The following SF3B3 variants were observed in gnomAD, a reference collection of about 807,000 sequenced individuals.
The protein encoded by SF3B3 is SAP 130.
Under a neutral mutation model 139.2 loss-of-function variants are expected in SF3B3, and 33 were observed. That is an observed-to-expected ratio of 0.24 (90% CI 0.18 to 0.32). SF3B3 has a LOEUF of 0.32. Among genes scored for constraint, SF3B3 ranks in the 10% least tolerant of loss-of-function variants. The pLI is 1.00. For missense variants in SF3B3, 818 were observed against 1,509.4 expected (o/e 0.54, Z 7.59); for synonymous variants, 596 against 563.6 (o/e 1.06, Z -0.81).
intron 8 of SF3B3, among the ~76,000 whole-genome samples, chr16:70,541,379 G>A (rs2050217873): frequency 6.6e-6 from 1 of 152,136 alleles, no homozygotes; most frequent in Non-Finnish European, 1.5e-5. Flanking sequence ...TTTGTGGGTT[G>A]TCATCTTTCT....
intron 3 of SF3B3, 81 bp downstream of exon 3, chr16:70,529,280 T>A: frequency 8.8e-7 from 1 of 1,136,728 alleles, no homozygotes; most frequent in Non-Finnish European, 1.3e-6. Context: ...CAGTGCCAAT[T>A]AATTACTTAT....
intron 20 of SF3B3, chr16:70,565,778 T>G (rs139350545): frequency 2.5e-6 from 1 of 393,362 alleles, no homozygotes; most frequent in African/African-American, 2.0e-5. Flanking sequence ...CTTACTGTTT[T>G]AATAAGCAGG....
intron 15 of SF3B3, 100 bp from the exon 16 acceptor site, chr16:70,560,369 T>A: frequency 8.1e-7 from 1 of 1,238,544 alleles, no homozygotes; most frequent in Admixed American, 2.5e-5. Flanking sequence ...TTTCTTTCTA[T>A]CTGCTCTAAT....
chr16:70,528,990 G>A lies in SF3B3; in HGVS notation c.188G>A (p.Arg63Gln), dbSNP rs2050094152. The A allele has an allele frequency of 1.9e-6, 3 of 1,613,948 alleles. No homozygotes were observed. The highest frequency in any genetic ancestry group is 2.2e-5 in the East Asian group (1 of 44,898). Residue 63 changes from arginine (R) to glutamine (Q), a missense_variant, in exon 3 of 26, where the codon CGG becomes CAG. Arg to Gln is a conservative substitution (Grantham distance 43). Coordinates refer to ENST00000302516, the MANE Select transcript of SF3B3 (RefSeq NM_012426.5). ...ACTGTGGAAGTATTCGGTGTTATCC[G>A]GTCACTCATGGCCTTTAGGCTGACA... ...LLTVEVFGVIRSLMAFRLTGG... is the reference protein window; with the variant it reads ...LLTVEVFGVIQSLMAFRLTGG...
intron 9 of SF3B3, among the ~76,000 whole-genome samples, chr16:70,543,174 G>A (rs965984575): frequency 1.3e-5 from 2 of 152,016 alleles, no homozygotes; most frequent in African/African-American, 4.8e-5. Flanking sequence ...TTGGGAGGCC[G>A]AGGTGGGCAG....
chr16:70,532,716 A>G (rs2050133193), intron 5 of SF3B3, 96 bp downstream of exon 5: 5 of 1,240,486 alleles, frequency 4.0e-6, no homozygotes, highest in Middle Eastern at 2.0e-4. Context: ...GAATTAATCC[A>G]TTTGTTGTGA....
rs1198029189 is a variant in SF3B3, at chr16:70,536,998, A to C, written c.826-1325A>C. 4.0e-5 allele frequency among the ~76,000 whole-genome samples: 6 copies of C among 150,046 alleles called. No homozygotes were observed. The Admixed American group carries it at 4.0e-4, about 10-fold the overall frequency. ...GCTAATTTTTATATTTTTAGTAGAG[A>C]TGGGGTCTCACCATATTGGCCAGGC... On this transcript the variant is annotated intron_variant, in intron 6 of 25. Coordinates refer to ENST00000302516, the MANE Select transcript of SF3B3 (RefSeq NM_012426.5).
chr16:70,537,125 G>A (rs1023962513), intron 6 of SF3B3, among the ~76,000 whole-genome samples: 12 of 152,192 alleles, frequency 7.9e-5, no homozygotes, highest in Middle Eastern at 3.4e-3. Flanking sequence ...TTCTCTTATA[G>A]TCTGTCCCAT....
chr16:70,553,920 A>G (rs1040878082), intron 11 of SF3B3, among the ~76,000 whole-genome samples: 1 of 152,192 alleles, frequency 6.6e-6, no homozygotes. Context: ...CATCATTCCC[A>G]TTGGGACTAG....
chr16:70,544,432 G>T lies in SF3B3; in HGVS notation c.1234-6G>T. The T allele has an allele frequency of 6.3e-7, 1 of 1,592,388 alleles. No homozygotes were observed. Among genetic ancestry groups the T allele is most frequent in the Non-Finnish European group, 8.6e-7 (1 of 1,161,320 alleles). ...CATTTTTTCCTCTAACTTTTTCTCT[G>T]TGCAGATAGCTGATCTGGCCAATGA... On this transcript the variant is annotated splice_region_variant and splice_polypyrimidine_tract_variant and intron_variant, in intron 9 of 25. Coordinates refer to ENST00000302516, the MANE Select transcript of SF3B3 (RefSeq NM_012426.5).
intron 20 of SF3B3, among the ~76,000 whole-genome samples, chr16:70,567,007 G>T (rs142895543): frequency 0.022 from 3,319 of 151,252 alleles, 53 homozygotes; most frequent in Non-Finnish European, 0.035. Flanking sequence ...CCATGATTGC[G>T]CCTGCCACAG....
chr16:70,568,578 C>G, intron 22 of SF3B3, 83 bp downstream of exon 22: 1 of 1,062,164 alleles, frequency 9.4e-7, no homozygotes. Context: ...AAGGAGGAAT[C>G]AAATCTGAGA....
intron 23 of SF3B3, among the ~76,000 whole-genome samples, chr16:70,569,587 A>G (rs578212765): frequency 6.6e-6 from 1 of 152,348 alleles, no homozygotes; most frequent in Admixed American, 6.5e-5. Flanking sequence ...GCTTTAAGTA[A>G]ATGTGAGAAT....
At chr16:70,567,951 C>G (rs1263457091) in intron 21 of SF3B3, among the ~76,000 whole-genome samples, 6 of 152,116 alleles carry the variant, frequency 3.9e-5, no homozygotes, top group Admixed American at 3.9e-4. Flanking sequence ...CTCCCAAAGT[C>G]CTGGGTTTAC....
At chr16:70,548,307 A>G in intron 10 of SF3B3, 63 bp from the exon 11 acceptor site, 1 of 1,338,110 alleles carries the variant, frequency 7.5e-7, no homozygotes, top group Non-Finnish European at 1.1e-6. Context: ...TTTTGATGTG[A>G]TTGTAAGCAG....
rs1422494098 is a variant in SF3B3 at position 70,569,994 on chromosome 16, T to C, written c.3265-12T>C. 3 of 1,613,842 alleles carry C rather than the reference T, an allele frequency of 1.9e-6. No individual in the cohort carries two copies. Among genetic ancestry groups the C allele is most frequent in the Non-Finnish European group, 2.5e-6 (3 of 1,179,802 alleles). On this transcript the variant is annotated splice_polypyrimidine_tract_variant and intron_variant, in intron 23 of 25. Coordinates refer to ENST00000302516, the MANE Select transcript of SF3B3 (RefSeq NM_012426.5). ...GGGTGCACACAGTCACTAGTCTGTT[T>C]GTGACTCACAGGCAGAGGTGATCAT...
chr16:70,541,789 G>A lies in SF3B3; in HGVS notation c.1188G>A (p.Val396=). 3 of 1,614,116 alleles carry A rather than the reference G, an allele frequency of 1.9e-6. No individual in the cohort carries two copies. Among genetic ancestry groups the A allele is most frequent in the Non-Finnish European group, 2.5e-6 (3 of 1,179,984 alleles). The change falls in exon 9 of 26, where the codon GTG becomes GTA. Residue 396 remains valine, a synonymous_variant. Coordinates refer to ENST00000302516, the MANE Select transcript of SF3B3 (RefSeq NM_012426.5). ...AGCCAAGACCACTTAAAAACCTTGTGCTGGTTGATGAGTTGGACAGCCTCT... is the reference window on the plus strand; with the variant it reads ...AGCCAAGACCACTTAAAAACCTTGTACTGGTTGATGAGTTGGACAGCCTCT... ...FFQPRPLKNL[V]LVDELDSLSP...
intron 3 of SF3B3, among the ~76,000 whole-genome samples, chr16:70,530,172 A>AAATAAGAG (rs1555499185): frequency 7.0e-6 from 1 of 143,268 alleles, no homozygotes; most frequent in Non-Finnish European, 1.5e-5. Flanking sequence ...ATAAATAAAT[A>AAATAAGAG]AGAGAGAGAT....
At chr16:70,526,094 T>C (rs2050060901) in intron 1 of SF3B3, among the ~76,000 whole-genome samples, 1 of 152,154 alleles carries the variant, frequency 6.6e-6, no homozygotes. Context: ...CCCAGAAAGT[T>C]ATTTATGAGG....
Sources: gnomAD v4.1 joint callset for allele counts (sites outside exome capture counted in the v4.1 genomes callset) on GRCh38, gnomAD v4.1.1 for gene constraint, MANE v1.5 for transcripts, NCBI Gene and HGNC (gene_info 2026-07-23, HGNC 2026-07-21) for gene names.